Variants in DYM observed in about 807,000 individuals in gnomAD.
The protein encoded by DYM is dyggve-Melchior-Clausen syndrome protein.
A neutral mutation model predicts 93.1 loss-of-function variants in DYM; 78 were observed. The ratio of observed to expected loss-of-function variants is 0.84; its 90% CI spans 0.70 to 1.01. DYM has a LOEUF of 1.01. DYM is among the 50% of genes least tolerant of loss of function. DYM has a pLI of 0.00. For missense variants in DYM, 789 were observed against 845.0 expected, an observed-to-expected ratio of 0.93 and a Z score of 0.82; for synonymous variants, 321 against 319.7, an observed-to-expected ratio of 1.00 and a Z score of -0.04.
chr18:49,267,800 A>C (rs1053946890), intron 11 of DYM, among the ~76,000 whole-genome samples: 1 of 152,184 alleles, frequency 6.6e-6, no homozygotes, highest in Admixed American at 6.5e-5. Context: ...CGGGAGGCTG[A>C]GGCATGAGAA....
intron 2 of DYM, among the ~76,000 whole-genome samples, chr18:49,425,929 C>T (rs2074241152): frequency 6.6e-6 from 1 of 151,968 alleles, no homozygotes; most frequent in East Asian, 1.9e-4. Context: ...GAAATAGGAA[C>T]ACTTTTACAC....
chr18:49,409,920 T>A (rs1044690480), intron 2 of DYM, among the ~76,000 whole-genome samples: 8 of 152,174 alleles, frequency 5.3e-5, no homozygotes, highest in Non-Finnish European at 1.0e-4. Context: ...GTGACTTAGG[T>A]CGTGGAGCCT....
intron 17 of DYM, among the ~76,000 whole-genome samples, chr18:49,083,929 C>A (rs1461230314): frequency 6.6e-6 from 1 of 151,856 alleles, no homozygotes; most frequent in Admixed American, 6.6e-5. Flanking sequence ...TTTTATTGAT[C>A]TTTTCAAAGA....
intron 2 of DYM, among the ~76,000 whole-genome samples, chr18:49,429,715 C>G (rs2074626033): frequency 6.6e-6 from 1 of 152,128 alleles, no homozygotes; most frequent in South Asian, 2.1e-4. Flanking sequence ...GGAATTTATA[C>G]TAAAGATATA....
chr18:49,098,429 T>C (rs1436509975), intron 16 of DYM, among the ~76,000 whole-genome samples: 5 of 152,236 alleles, frequency 3.3e-5, no homozygotes, highest in Non-Finnish European at 5.9e-5. Context: ...GTACAATAAC[T>C]TTTGTCTTAT....
intron 9 of DYM, among the ~76,000 whole-genome samples, chr18:49,282,450 TA>T (rs919690771): frequency 6.6e-5 from 10 of 151,880 alleles, no homozygotes; most frequent in African/African-American, 2.4e-4. Flanking sequence ...CCATCTCTAC[TA>T]AAAATACAGA....
intron 14 of DYM, among the ~76,000 whole-genome samples, chr18:49,202,678 G>A (rs1299170434): frequency 6.0e-4 from 63 of 104,420 alleles, no homozygotes; most frequent in African/African-American, 2.1e-3. Flanking sequence ...GCCTCTGCCC[G>A]GCCGAGACCC....
chr18:49,157,904 G>A (rs577354937), intron 15 of DYM, among the ~76,000 whole-genome samples: 1 of 152,136 alleles, frequency 6.6e-6, no homozygotes, highest in African/African-American at 2.4e-5. Context: ...TGACATTTAG[G>A]TCTATGGTCC....
intron 13 of DYM, among the ~76,000 whole-genome samples, chr18:49,231,280 G>C (rs2093686388): frequency 6.6e-6 from 1 of 152,210 alleles, no homozygotes; most frequent in African/African-American, 2.4e-5. Flanking sequence ...AAGCAGAGGG[G>C]AGCTGCTCTG....
In DYM at chr18:49,333,943, T is replaced by C. The variant is rs573568112; in HGVS notation, c.495-90A>G. ...TGAACTATACATTTAAAAACTCAAA[T>C]CTAAATATTCAGTATTTTCAGGTTA... On this transcript the variant is annotated intron_variant, in intron 6 of 17. Transcript: ENST00000675505. 167 of 1,349,006 alleles carry C rather than the reference T, an allele frequency of 1.2e-4. 2 individuals are homozygous for C. In the African/African-American group the frequency reaches 2.3e-3, roughly 19 times the overall value. The allele number at this position is 1,349,006 out of a possible 1,614,324, so 83.6% of individuals were successfully genotyped here. A position where few individuals can be genotyped will look rare whatever the true frequency, so the allele number is the denominator to read the frequency against.
intron 3 of DYM, among the ~76,000 whole-genome samples, chr18:49,385,730 T>G (rs1040931546): frequency 1.3e-5 from 2 of 151,718 alleles, no homozygotes; most frequent in African/African-American, 4.8e-5. Context: ...GAAAACCTTA[T>G]GTGTACATTC....
chr18:49,371,636 TG>T (rs879310187), intron 5 of DYM, among the ~76,000 whole-genome samples: 1 of 152,196 alleles, frequency 6.6e-6, no homozygotes, highest in Non-Finnish European at 1.5e-5. Context: ...TTGGCAAGAA[TG>T]GGGTATAATA....
chr18:49,305,875 AACC>A, intron 8 of DYM, among the ~76,000 whole-genome samples: 1 of 152,330 alleles, frequency 6.6e-6, no homozygotes, highest in South Asian at 2.1e-4. Context: ...ATGACAAAGT[AACC>A]ACCAAGCTCC....
chr18:49,153,749 T>C (rs1256209912), intron 15 of DYM, among the ~76,000 whole-genome samples: 2 of 152,106 alleles, frequency 1.3e-5, no homozygotes, highest in East Asian at 1.9e-4. Flanking sequence ...CTATTAATAA[T>C]GGCAGAAGGA....
chr18:49,281,189 G>C (rs1294149804), intron 10 of DYM, among the ~76,000 whole-genome samples: 1 of 152,078 alleles, frequency 6.6e-6, no homozygotes, highest in Non-Finnish European at 1.5e-5. Flanking sequence ...GCAGCCAAAA[G>C]ACACATGAAA....
At chr18:49,289,278 C>G (rs2059863996) in intron 8 of DYM, among the ~76,000 whole-genome samples, 1 of 151,890 alleles carries the variant, frequency 6.6e-6, no homozygotes, top group South Asian at 2.1e-4. Flanking sequence ...GAAGAATATT[C>G]ATTTGACCAT....
chr18:49,343,900 G>A (rs1357326946), intron 6 of DYM, among the ~76,000 whole-genome samples: 1 of 150,900 alleles, frequency 6.6e-6, no homozygotes, highest in Non-Finnish European at 1.5e-5. Flanking sequence ...TTGAGGCCAG[G>A]AGTTCAGGAC....
chr18:49,333,375 G>T (rs1304205054), intron 7 of DYM, among the ~76,000 whole-genome samples: 1 of 152,196 alleles, frequency 6.6e-6, no homozygotes, highest in Non-Finnish European at 1.5e-5. Flanking sequence ...GTTTCAAAGG[G>T]ACTGCTGAGA....
chr18:49,434,955 C>T (rs559158128), intron 1 of DYM, among the ~76,000 whole-genome samples: 30 of 152,140 alleles, frequency 2.0e-4, no homozygotes, highest in African/African-American at 7.0e-4. Flanking sequence ...TGCCTATAAT[C>T]CCAGCACTTT....
Sources: gnomAD v4.1 joint callset for allele counts (sites outside exome capture counted in the v4.1 genomes callset) on GRCh38, gnomAD v4.1.1 for gene constraint, MANE v1.5 for transcripts, NCBI Gene and HGNC (gene_info 2026-07-23, HGNC 2026-07-21) for gene names.